INTS3: variants seen among roughly 807,000 people sequenced by gnomAD.
INTS3 encodes the protein integrator complex subunit 3, also known as SOSS complex subunit A.
INTS3 carries 34 observed loss-of-function variants against 146.3 expected under a neutral mutation model. The ratio of observed to expected loss-of-function variants is 0.23; its 90% CI spans 0.18 to 0.31. The LOEUF (loss-of-function observed/expected upper bound fraction) is 0.31. Among genes scored for constraint, INTS3 ranks in the 10% least tolerant of loss-of-function variants. The pLI, the probability that INTS3 is intolerant of heterozygous loss-of-function variation, is 1.00. For missense variants in INTS3, 757 were observed against 1,304.2 expected (o/e 0.58, Z 6.46); for synonymous variants, 475 against 494.9 (o/e 0.96, Z 0.53).
At chr1:153,738,310 G>A (rs1671379692) in intron 1 of INTS3, among the ~76,000 whole-genome samples, 1 of 151,874 alleles carries the variant, frequency 6.6e-6, no homozygotes, top group Non-Finnish European at 1.5e-5. Flanking sequence ...ATATTGCCCA[G>A]GCTGGTCTCG....
intron 3 of INTS3, among the ~76,000 whole-genome samples, chr1:153,742,476 C>CTGTGTGTGTGTGTGTGTGTGTG (rs1161319800): frequency 3.3e-5 from 2 of 60,250 alleles, no homozygotes; most frequent in African/African-American, 1.6e-4. Context: ...GTTTTTTAAT[C>CTGTGTGTGTGTGTGTGTGTGTG]TCTGTGTGTG....
chr1:153,772,398 T>C lies in INTS3; in HGVS notation c.2779T>C (p.Leu927=). ...QLTLEQILEH[L]DNLRLNLTNT... ...GACTCTGGAGCAGATCCTGGAGCAC[T>C]TGGACAATCTGCGGCTCAACCTGAC... Residue 927 remains leucine (L), a synonymous_variant, in exon 27 of 30, where the codon TTG becomes CTG. Transcript: ENST00000318967. The surrounding 1 kb of genome is among the most constrained non-coding windows in gnomAD (Gnocchi z 4.6). 6.2e-7 allele frequency: 1 copy of C among 1,614,072 alleles called. No individual in the cohort carries two copies. The highest frequency in any genetic ancestry group is 8.5e-7 in the Non-Finnish European group (1 of 1,180,014).
At position 153,752,192 on chromosome 1, in the gene INTS3, ATGT is replaced by A. The variant is rs1377076517; in HGVS notation, c.730-82_730-80del. ...CCCTCTTTCCTTCCCTCCCTAGAAC[ATGT>A]TGTTCCTTTGTCCTCCCTCCAGCAG... On this transcript the variant is annotated intron_variant, in intron 7 of 29. Transcript: ENST00000318967. 1.2e-5 allele frequency: 16 copies of A among 1,302,482 alleles called. No homozygotes were observed. In the South Asian group the frequency reaches 1.4e-4, roughly 12 times the overall value. 80.7% of individuals were successfully genotyped at this position (1,302,482 alleles called of 1,614,324 possible). A position where few individuals can be genotyped will look rare whatever the true frequency, so the allele number is the denominator to read the frequency against.
rs1221606157 is a variant in INTS3, at chr1:153,774,147, C to G, written c.*877C>G. ...TAGCTTGGTCTTGATTTGATTGGCA[C>G]CCCTACTTGTAACCGCAGAACATCC... is the stretch of plus-strand genomic sequence containing the variant. On this transcript the variant is annotated 3_prime_UTR_variant, in exon 30 of 30. Transcript: ENST00000318967. 2 of 152,450 alleles carry G rather than the reference C, an allele frequency of 1.3e-5. No homozygotes were observed. The highest frequency in any genetic ancestry group is 3.9e-4 in the East Asian group (2 of 5,192). 9.4% of individuals were successfully genotyped at this position (152,450 alleles called of 1,614,324 possible).
intron 20 of INTS3, chr1:153,766,999 C>G (rs2101825729): frequency 6.6e-6 from 1 of 152,300 alleles, no homozygotes; most frequent in Admixed American, 6.5e-5. Flanking sequence ...CATGAGCCAC[C>G]ATACCCGGCC....
In INTS3 at chr1:153,739,623, C is replaced by T. The variant is rs551293882; in HGVS notation, c.151-1028C>T. ...TGCTGGGATTACAGGTGTGAACCAC[C>T]GCACCCAGCTAATTTTTGTATTTTT... is the stretch of plus-strand genomic sequence containing the variant. On this transcript the variant is annotated intron_variant, in intron 1 of 29. Coordinates refer to ENST00000318967, the MANE Select transcript of INTS3 (RefSeq NM_023015.5). Among the ~76,000 whole-genome samples, 432 of 151,304 alleles carry T rather than the reference C, an allele frequency of 2.9e-3. 3 individuals carry two copies. Among genetic ancestry groups the T allele is most frequent in the Non-Finnish European group, 4.8e-3 (326 of 67,778 alleles).
At chr1:153,753,042 T>TACAC (rs57778477) in intron 8 of INTS3, among the ~76,000 whole-genome samples, 11,915 of 145,444 alleles carry the variant, frequency 0.082, 630 homozygotes, top group Middle Eastern at 0.2. Flanking sequence ...GCTCCCCTCC[T>TACAC]ACACACACAC....
intron 3 of INTS3, among the ~76,000 whole-genome samples, chr1:153,745,456 G>C (rs1430109394): frequency 6.6e-6 from 1 of 151,590 alleles, no homozygotes; most frequent in East Asian, 1.9e-4. Flanking sequence ...ACCATACCCG[G>C]CCCTTGCTAT....
intron 10 of INTS3, among the ~76,000 whole-genome samples, chr1:153,758,460 A>T (rs1037202535): frequency 6.6e-6 from 1 of 152,274 alleles, no homozygotes; most frequent in East Asian, 1.9e-4. Context: ...TGGACTTCTG[A>T]GTCCAAGCAT....
intron 15 of INTS3, among the ~76,000 whole-genome samples, 167 bp from the exon 16 acceptor site, chr1:153,763,066 G>A (rs1212922748): frequency 6.6e-6 from 1 of 152,236 alleles, no homozygotes; most frequent in African/African-American, 2.4e-5. Flanking sequence ...TTGCTTGTAA[G>A]AGCTAGTACA....
intron 13 of INTS3, 45 bp from the exon 14 acceptor site, chr1:153,761,525 A>G: frequency 1.4e-6 from 2 of 1,383,778 alleles, no homozygotes; most frequent in East Asian, 2.3e-5. Context: ...AAAAATAAAA[A>G]TAAGAGAAGC....
At chr1:153,767,456 CT>C (rs1411919309) in intron 20 of INTS3, 18 of 461,964 alleles carry the variant, frequency 3.9e-5, no homozygotes, top group Non-Finnish European at 5.3e-5. Context: ...GGTTGGAGCC[CT>C]TTTGAGCTCT....
intron 2 of INTS3, 105 bp from the exon 3 acceptor site, chr1:153,741,180 C>T: frequency 1.2e-6 from 1 of 812,030 alleles, no homozygotes; most frequent in Non-Finnish European, 2.2e-6. Context: ...TGATTATTCT[C>T]CTTTGCATCT....
chr1:153,734,672 G>A (rs909591740), intron 1 of INTS3, among the ~76,000 whole-genome samples: 3 of 152,194 alleles, frequency 2.0e-5, no homozygotes, highest in African/African-American at 7.2e-5. Context: ...ATTGCTGGAG[G>A]CTCAGCTAGC....
At position 153,742,507 on chromosome 1, in the gene INTS3, T is replaced by TGTGTGTGTGTGTGTGC. The variant is rs1297466558; in HGVS notation, c.318+1140_318+1141insTGTGTGTGTGTGTGCG. Among the ~76,000 whole-genome samples the TGTGTGTGTGTGTGTGC allele has an allele frequency of 2.0e-3, 292 of 144,938 alleles. 1 individual carries two copies. The highest frequency in any genetic ancestry group is 6.9e-3 in the African/African-American group (276 of 40,144). On this transcript the variant is annotated intron_variant, in intron 3 of 29. Coordinates refer to ENST00000318967, the MANE Select transcript of INTS3 (RefSeq NM_023015.5). Reference sequence around the variant, plus strand: ...GTGTGTGTGTGTGTGTGTGTGTGTGTGCGTGCGCATCATTGGCTGTGTGTG... The same window carrying TGTGTGTGTGTGTGTGC: ...GTGTGTGTGTGTGTGTGTGTGTGTGTGTGTGTGTGTGTGTGCGCGTGCGCATCATTGGCTGTGTGTG...
Position 153,770,296 on chromosome 1 carries a change from C to A in INTS3, c.2488C>A (p.His830Asn). The A allele has an allele frequency of 1.2e-6, 2 of 1,606,142 alleles. No individual in the cohort carries two copies. Among genetic ancestry groups the A allele is most frequent in the Non-Finnish European group, 8.5e-7 (1 of 1,172,740 alleles). Reference sequence around the variant, plus strand: ...GGAGACCATAATCCCCATCCTGCAGCACCTCAAATACAAGGGTGAGTAGGC... The same window carrying A: ...GGAGACCATAATCCCCATCCTGCAGAACCTCAAATACAAGGGTGAGTAGGC... ...PLETIIPILQ[H>N]LKYKEHPEAL... is the part of the protein sequence containing the mutation. The change falls in exon 24 of 30, where the codon CAC (histidine) becomes AAC (asparagine). Residue 830 changes from histidine to asparagine, a missense_variant. By Grantham distance (68) the His-to-Asn change is moderately conservative. This residue lies in a region of INTS3 where 116 missense variants were observed against 226.5 expected (regional missense o/e 0.51). Coordinates refer to ENST00000318967, the MANE Select transcript of INTS3 (RefSeq NM_023015.5).
At chr1:153,767,547 CAT>C in intron 20 of INTS3, 125 bp from the exon 21 acceptor site, 1 of 902,148 alleles carries the variant, frequency 1.1e-6, no homozygotes, top group Non-Finnish European at 1.6e-6. Flanking sequence ...TTGGGAGGGA[CAT>C]GAGGCAGATT....
At position 153,773,564 on chromosome 1, in the gene INTS3, C is replaced by T. The variant is rs1010702738; in HGVS notation, c.*294C>T. The T allele has an allele frequency of 1.2e-5, 6 of 500,134 alleles. No homozygotes were observed. Among genetic ancestry groups the T allele is most frequent in the African/African-American group, 9.6e-5 (5 of 52,212 alleles). The allele number at this position is 500,134 out of a possible 1,614,324, so 31.0% of individuals were successfully genotyped here. A position where few individuals can be genotyped will look rare whatever the true frequency, so the allele number is the denominator to read the frequency against. ...ATCAGACCATAGTGGAAGTCCTCAGCCCCCTGGCCCCTTCCGCAATCTCCT... is the reference window on the plus strand; with the variant it reads ...ATCAGACCATAGTGGAAGTCCTCAGTCCCCTGGCCCCTTCCGCAATCTCCT... On this transcript the variant is annotated 3_prime_UTR_variant, in exon 30 of 30. Coordinates refer to ENST00000318967, the MANE Select transcript of INTS3 (RefSeq NM_023015.5).
rs773890778 is a variant in INTS3, at chr1:153,757,731, G to C, written c.1117G>C (p.Ala373Pro). 6.2e-7 allele frequency: 1 copy of C among 1,613,708 alleles called. No individual in the cohort carries two copies. The highest frequency in any genetic ancestry group is 1.1e-5 in the South Asian group (1 of 91,042). The change falls in exon 10 of 30, where the codon GCC becomes CCC. Residue 373 changes from alanine (A) to proline (P), a missense_variant. Ala to Pro is a conservative substitution (Grantham distance 27, BLOSUM62 -1). Transcript: ENST00000318967. The surrounding 1 kb of genome is among the most constrained non-coding windows in gnomAD (Gnocchi z 4.0). ...GAGTTCAGATATCTTGCCCCGGTGG[G>C]CCATCATTGGTTGGCTCCTGACAAC... ...VLSSDILPRW[A>P]IIGWLLTTCT... is the part of the protein sequence containing the mutation.
Sources: allele counts gnomAD v4.1 joint callset (sites outside exome capture counted in the v4.1 genomes callset), GRCh38; gene constraint gnomAD v4.1.1; regional missense constraint gnomAD v4.1.1; non-coding constraint Gnocchi (gnomAD v3.1); transcripts MANE v1.5; gene names NCBI Gene and HGNC (gene_info 2026-07-23, HGNC 2026-07-21).